RNFT2: variants seen among roughly 807,000 people sequenced by gnomAD.
RNFT2 encodes ring finger protein, transmembrane 2.
A neutral mutation model predicts 53.0 loss-of-function variants in RNFT2; 36 were observed. The ratio of observed to expected loss-of-function variants is 0.68; its 90% CI spans 0.52 to 0.90. The LOEUF is 0.90. Ranked by LOEUF, RNFT2 falls within the 40% of genes least tolerant of loss-of-function variation. The probability of loss-of-function intolerance (pLI) is 0.00; values close to 1 mark genes in which losing one functional copy is unlikely to be tolerated. For missense variants in RNFT2, 514 were observed against 585.6 expected, an observed-to-expected ratio of 0.88 and a Z score of 1.26; for synonymous variants, 260 against 253.2, an observed-to-expected ratio of 1.03 and a Z score of -0.26.
intron 5 of RNFT2, chr12:116,755,273 G>A: frequency 1.6e-6 from 1 of 632,044 alleles, no homozygotes; most frequent in Non-Finnish European, 2.8e-6. Flanking sequence ...TTTTTGTTAT[G>A]TTCAGTTAGC....
At chr12:116,756,306 GT>G (rs376279220) in intron 5 of RNFT2, among the ~76,000 whole-genome samples, 2,949 of 149,518 alleles carry the variant, frequency 0.02, 44 homozygotes, top group Middle Eastern at 0.06. Flanking sequence ...TATTCCTAAG[GT>G]TTTTTTTTGT....
chr12:116,792,154 A>G (rs879645655), intron 7 of RNFT2, among the ~76,000 whole-genome samples: 13 of 152,092 alleles, frequency 8.5e-5, no homozygotes, highest in Admixed American at 3.9e-4. Context: ...GGTTCAAGCA[A>G]TTCTCCTGAC....
At chr12:116,824,928 TTTGTTG>T (rs772974486) in intron 7 of RNFT2, among the ~76,000 whole-genome samples, 1 of 152,092 alleles carries the variant, frequency 6.6e-6, no homozygotes, top group African/African-American at 2.4e-5. Context: ...TACTTTAGTT[TTTGTTG>T]TTGTTGTTGT....
chr12:116,842,623 G>C (rs550040483), intron 10 of RNFT2, among the ~76,000 whole-genome samples: 2 of 152,154 alleles, frequency 1.3e-5, no homozygotes, highest in Non-Finnish European at 2.9e-5. Flanking sequence ...ACCCAGGCTA[G>C]AGTGCAGTGG....
At chr12:116,807,038 C>G (rs1230977953) in intron 7 of RNFT2, among the ~76,000 whole-genome samples, 3 of 152,200 alleles carry the variant, frequency 2.0e-5, no homozygotes, top group African/African-American at 7.2e-5. Context: ...TTGGCCACCA[C>G]TCAGTCACAC....
intron 3 of RNFT2, among the ~76,000 whole-genome samples, chr12:116,745,173 A>ATT (rs10637816): frequency 0.69 from 86,059 of 124,956 alleles, 30,325 homozygotes; most frequent in East Asian, 0.97. Flanking sequence ...ATTGCACCAG[A>ATT]TTTTTTTTTT....
intron 7 of RNFT2, among the ~76,000 whole-genome samples, chr12:116,807,528 G>T (rs1875138974): frequency 6.6e-6 from 1 of 152,000 alleles, no homozygotes; most frequent in South Asian, 2.1e-4. Flanking sequence ...GACTTGCCTG[G>T]GGTATGTAAA....
chr12:116,787,585 A>G (rs891834296), intron 7 of RNFT2, among the ~76,000 whole-genome samples: 20 of 152,064 alleles, frequency 1.3e-4, no homozygotes, highest in African/African-American at 4.8e-4. Context: ...GCATGGTGGA[A>G]CGCACCTGTA....
At chr12:116,792,633 A>G (rs1455919208) in intron 7 of RNFT2, among the ~76,000 whole-genome samples, 1 of 152,154 alleles carries the variant, frequency 6.6e-6, no homozygotes, top group Admixed American at 6.5e-5. Context: ...TAGCCTGTAG[A>G]AAGTGATGTG....
At chr12:116,791,071 C>T (rs1874210326) in intron 7 of RNFT2, among the ~76,000 whole-genome samples, 1 of 152,338 alleles carries the variant, frequency 6.6e-6, no homozygotes, top group Middle Eastern at 3.4e-3. Flanking sequence ...CTGTCTAGTT[C>T]CAAGACATTC....
intron 3 of RNFT2, among the ~76,000 whole-genome samples, chr12:116,744,299 G>A (rs1002294432): frequency 6.6e-6 from 1 of 151,618 alleles, no homozygotes; most frequent in South Asian, 2.1e-4. Flanking sequence ...CATCCGGCTT[G>A]TAATAAGCCT....
chr12:116,848,290 A>C (rs183105421), intron 10 of RNFT2, among the ~76,000 whole-genome samples: 1 of 152,192 alleles, frequency 6.6e-6, no homozygotes, highest in East Asian at 1.9e-4. Flanking sequence ...TATTGTGAAT[A>C]GTGCTGCAGT....
intron 7 of RNFT2, among the ~76,000 whole-genome samples, chr12:116,812,146 G>A (rs997562534): frequency 6.6e-6 from 1 of 152,128 alleles, no homozygotes; most frequent in Non-Finnish European, 1.5e-5. Context: ...TGACTTCAAG[G>A]GGCTGATGGA....
chr12:116,829,962 A>ATTT (rs201247739), intron 7 of RNFT2, among the ~76,000 whole-genome samples: 1 of 146,508 alleles, frequency 6.8e-6, no homozygotes, highest in Non-Finnish European at 1.5e-5. Context: ...GAGAATGAGG[A>ATTT]TTTTTTTTTT....
intron 8 of RNFT2, 45 bp downstream of exon 8, chr12:116,833,986 A>G: frequency 6.5e-7 from 1 of 1,532,820 alleles, no homozygotes; most frequent in Middle Eastern, 1.7e-4. Context: ...GGAGGGCCCC[A>G]TTCACTAGTC....
chr12:116,847,569 C>G (rs1257986851), intron 10 of RNFT2, among the ~76,000 whole-genome samples: 1 of 151,616 alleles, frequency 6.6e-6, no homozygotes, highest in Non-Finnish European at 1.5e-5. Context: ...CTCTCGTTGC[C>G]CAGGCTGGAA....
intron 10 of RNFT2, among the ~76,000 whole-genome samples, chr12:116,847,251 G>A (rs1877665694): frequency 6.6e-6 from 1 of 151,956 alleles, no homozygotes; most frequent in Admixed American, 6.6e-5. Context: ...TTTAATATAT[G>A]GTACATATTC....
chr12:116,747,927 A>C (rs1871988393), intron 3 of RNFT2, among the ~76,000 whole-genome samples: 1 of 152,146 alleles, frequency 6.6e-6, no homozygotes, highest in Non-Finnish European at 1.5e-5. Flanking sequence ...ACGGTGGCTC[A>C]TGCCTGTAAT....
chr12:116,843,173 G>T (rs531693676), intron 10 of RNFT2, among the ~76,000 whole-genome samples: 2 of 152,032 alleles, frequency 1.3e-5, no homozygotes, highest in Admixed American at 6.6e-5. Context: ...TCTGTGCTTC[G>T]GGAGGCACGA....
Sources: gnomAD v4.1 joint callset for allele counts (sites outside exome capture counted in the v4.1 genomes callset) on GRCh38, gnomAD v4.1.1 for gene constraint, MANE v1.5 for transcripts, NCBI Gene and HGNC (gene_info 2026-07-23, HGNC 2026-07-21) for gene names.